Variants in ECM1 observed in about 807,000 individuals in gnomAD.
ECM1 encodes the protein secretory component p85.
A neutral mutation model predicts 57.9 loss-of-function variants in ECM1; 54 were observed. The observed-to-expected ratio is 0.93, with a 90% CI of 0.75 to 1.17. ECM1 has a LOEUF of 1.17. Among genes scored for constraint, ECM1 ranks in the 50% most tolerant of loss-of-function variants. The pLI is 0.00. For missense variants in ECM1, 649 were observed against 688.1 expected, an observed-to-expected ratio of 0.94 and a Z score of 0.64; for synonymous variants, 237 against 259.1, an observed-to-expected ratio of 0.91 and a Z score of 0.82.
rs1253130585 is a variant in ECM1, at chr1:150,511,536, G to C, written c.788G>C (p.Gly263Ala). The C allele has an allele frequency of 6.2e-7, 1 of 1,614,088 alleles. No homozygotes were observed. The highest frequency in any genetic ancestry group is 1.3e-5 in the African/African-American group (1 of 74,924). Residue 263 changes from glycine to alanine, a missense_variant, in exon 7 of 10, where the codon GGG becomes GCG. Transcript: ENST00000369047. ...CCCCACTGGTGCTGCACGCGGCAGG[G>C]GGAGGCTCGGTTCTCCTGCTTCCAG... ...TRPHWCCTRQ[G>A]EARFSCFQEE...
In ECM1 at chr1:150,512,476, C is replaced by T. The variant is rs748210541; in HGVS notation, c.1208C>T (p.Pro403Leu). The T allele has an allele frequency of 4.3e-6, 7 of 1,613,754 alleles. No homozygotes were observed. Among genetic ancestry groups the T allele is most frequent in the Non-Finnish European group, 5.1e-6 (6 of 1,180,020 alleles). Residue 403 changes from proline to leucine, a missense_variant, in exon 8 of 10, where the codon CCC becomes CTC. Physicochemically the swap from Pro to Leu is moderately conservative, Grantham distance 98. Transcript: ENST00000369047. ...DECFARRAPY[P>L]NYDRDILTID... is the part of the protein sequence containing the mutation. ...TGCTTTGCCCGTCGGGCTCCTTACC[C>T]CAACTATGACCGGGACATCTTGACC... is the stretch of plus-strand genomic sequence containing the variant.
At position 150,511,846 on chromosome 1, in the gene ECM1, C is replaced by T; in HGVS notation, c.1083+15C>T. On this transcript the variant is annotated intron_variant, in intron 7 of 9. Transcript: ENST00000369047. ...CATGGAAGGCCGTAAGTGGGCGTCC[C>T]AGCCTCCCTGAGAGCCTGTTTGCCT... 6.3e-7 allele frequency: 1 copy of T among 1,590,378 alleles called. No homozygotes were observed. Among genetic ancestry groups the T allele is most frequent in the Non-Finnish European group, 8.6e-7 (1 of 1,167,108 alleles).
rs746971908 is a variant in ECM1 at position 150,511,691 on chromosome 1, C to G, written c.943C>G (p.Leu315Val). Residue 315 changes from leucine to valine, a missense_variant, in exon 7 of 10, where the codon CTG (leucine) becomes GTG (valine). Physicochemically the swap from Leu to Val is conservative, Grantham distance 32 (BLOSUM62 1). Transcript: ENST00000369047. Reference sequence around the variant, plus strand: ...GGACAATATCAAGAACATCTGCCACCTGAGGCGCTTCCGCTCTGTGCCACG... The same window carrying G: ...GGACAATATCAAGAACATCTGCCACGTGAGGCGCTTCCGCTCTGTGCCACG... ...TLDNIKNICH[L>V]RRFRSVPRNL... 6.2e-7 allele frequency: 1 copy of G among 1,614,156 alleles called. No homozygotes were observed. The highest frequency in any genetic ancestry group is 2.2e-5 in the East Asian group (1 of 44,862).
In ECM1 at chr1:150,511,804, G is replaced by C. The variant is rs759100588; in HGVS notation, c.1056G>C (p.Gly352=). 1 of 1,612,272 alleles carries C rather than the reference G, an allele frequency of 6.2e-7. No homozygotes were observed. The highest frequency in any genetic ancestry group is 1.1e-5 in the South Asian group (1 of 90,974). ...AGTTCCAGCGCTGCTGCCGCCAGGGGAACAATCACACCTGTACATGGAAGG... is the reference window on the plus strand; with the variant it reads ...AGTTCCAGCGCTGCTGCCGCCAGGGCAACAATCACACCTGTACATGGAAGG... ...EREFQRCCRQ[G]NNHTCTWKAW... is the part of the protein sequence containing the mutation. Residue 352 remains glycine, a synonymous_variant, in exon 7 of 10, where the codon GGG becomes GGC. Coordinates refer to ENST00000369047, the MANE Select transcript of ECM1 (RefSeq NM_004425.4).
In ECM1 at chr1:150,513,355, T is replaced by G. The variant is rs1469740996; in HGVS notation, c.1511T>G (p.Leu504Arg). The stretch of plus-strand genomic sequence containing the variant: ...GTCAACTGCTTCAACATCAATTATC[T>G]GAGGAACGTGGCTCTAGTGTCTGGA... ...EQVNCFNINY[L>R]RNVALVSGDT... Residue 504 changes from leucine (L) to arginine (R), a missense_variant, in exon 10 of 10, where the codon CTG (leucine) becomes CGG (arginine). Physicochemically the swap from Leu to Arg is moderately radical, Grantham distance 102. Coordinates refer to ENST00000369047, the MANE Select transcript of ECM1 (RefSeq NM_004425.4). The G allele has an allele frequency of 2.5e-6, 4 of 1,614,094 alleles. No individual in the cohort carries two copies. The African/African-American group carries it at 4.0e-5, about 16-fold the overall frequency.
chr1:150,511,402 C>G (rs1670435812), intron 6 of ECM1, 55 bp from the exon 7 acceptor site: 4 of 1,613,184 alleles, frequency 2.5e-6, no homozygotes, highest in Admixed American at 1.7e-5. Context: ...TTTCCTGGAG[C>G]CTGGGAGGAA....
rs1292448418 is a variant in ECM1 at position 150,512,708 on chromosome 1, C to T, written c.1305-17C>T. On this transcript the variant is annotated splice_polypyrimidine_tract_variant and intron_variant, in intron 8 of 9. Coordinates refer to ENST00000369047, the MANE Select transcript of ECM1 (RefSeq NM_004425.4). ...TGCCCAAAGACCCTAACCCCTGCCC[C>T]TTTCACACCAACATAGTAAACATAT... 1 of 1,614,054 alleles carries T rather than the reference C, an allele frequency of 6.2e-7. No individual in the cohort carries two copies. The highest frequency in any genetic ancestry group is 1.1e-5 in the South Asian group (1 of 91,076).
chr1:150,510,996 C>T lies in ECM1; in HGVS notation c.506C>T (p.Pro169Leu). 6.2e-7 allele frequency: 1 copy of T among 1,614,216 alleles called. No individual in the cohort carries two copies. Among genetic ancestry groups the T allele is most frequent in the Middle Eastern group, 1.6e-4 (1 of 6,062 alleles). Residue 169 changes from proline to leucine, a missense_variant, in exon 6 of 10, where the codon CCT becomes CTT. Physicochemically the swap from Pro to Leu is moderately conservative, Grantham distance 98. Transcript: ENST00000369047. ...GWGHRLDGFPPGRPSPDNLNQ... is the reference protein window; with the variant it reads ...GWGHRLDGFPLGRPSPDNLNQ... Reference sequence around the variant, plus strand: ...GGCCACCGGCTGGATGGCTTCCCCCCTGGGCGGCCTTCTCCAGACAATCTG... The same window carrying T: ...GGCCACCGGCTGGATGGCTTCCCCCTTGGGCGGCCTTCTCCAGACAATCTG...
At position 150,510,681 on chromosome 1, in the gene ECM1, G is replaced by T. The variant is rs1670412247; in HGVS notation, c.386-195G>T. On this transcript the variant is annotated intron_variant, in intron 5 of 9. Coordinates refer to ENST00000369047, the MANE Select transcript of ECM1 (RefSeq NM_004425.4). ...AGGAGGTGGGGGCAGGCTGTGAGCT[G>T]ACACCTTTCACACCTCGCTTCTCTT... 11 of 673,806 alleles carry T rather than the reference G, an allele frequency of 1.6e-5. No individual in the cohort carries two copies. The South Asian group carries it at 1.9e-4, about 12-fold the overall frequency. The allele number at this position is 673,806 out of a possible 1,614,324, so 41.7% of individuals were successfully genotyped here. A position where few individuals can be genotyped will look rare whatever the true frequency, so the allele number is the denominator to read the frequency against.
chr1:150,510,152 T>C lies in ECM1; in HGVS notation c.355T>C (p.Ser119Pro). The C allele has an allele frequency of 1.2e-6, 2 of 1,613,946 alleles. No homozygotes were observed. Among genetic ancestry groups the C allele is most frequent in the South Asian group, 2.2e-5 (2 of 91,064 alleles). Residue 119 changes from serine (S) to proline (P), a missense_variant, in exon 5 of 10, where the codon TCT (serine) becomes CCT (proline). Physicochemically the swap from Ser to Pro is moderately conservative, Grantham distance 74. Coordinates refer to ENST00000369047, the MANE Select transcript of ECM1 (RefSeq NM_004425.4). Reference protein sequence around the residue: ...EAVPLQKELPSLQHPNEQKEG... With the variant: ...EAVPLQKELPPLQHPNEQKEG... ...TGTCCCCCTCCAAAAAGAGCTGCCC[T>C]CTCTCCAGCACCCCAATGAACAGAA...
At chr1:150,511,312 G>C in intron 6 of ECM1, 114 bp downstream of exon 6, 1 of 1,588,160 alleles carries the variant, frequency 6.3e-7, no homozygotes, top group Non-Finnish European at 8.6e-7. Context: ...CCGTTCACTG[G>C]CCCTACCCTG....
intron 6 of ECM1, 100 bp from the exon 7 acceptor site, chr1:150,511,357 C>T (rs1330320505): frequency 3.7e-6 from 6 of 1,605,808 alleles, no homozygotes; most frequent in South Asian, 2.2e-5. Flanking sequence ...CAGAGGACAA[C>T]CACTGTCTCT....
At chr1:150,512,877 A>C in intron 9 of ECM1, 65 bp downstream of exon 9, 1 of 1,529,560 alleles carries the variant, frequency 6.5e-7, no homozygotes, top group South Asian at 1.1e-5. Flanking sequence ...CTAGAACTGC[A>C]GGCCACCCCT....
intron 1 of ECM1, 132 bp downstream of exon 1, chr1:150,508,411 A>T (rs1670334446): frequency 5.5e-6 from 5 of 909,550 alleles, no homozygotes; most frequent in East Asian, 2.4e-5. Context: ...GCAGGCCCAA[A>T]GTGGGCCTAG....
At chr1:150,509,787 C>T in intron 3 of ECM1, 25 bp downstream of exon 3, 1 of 1,613,642 alleles carries the variant, frequency 6.2e-7, no homozygotes, top group Non-Finnish European at 8.5e-7. Flanking sequence ...CCATGCCCTC[C>T]TCAGTGACCC....
chr1:150,509,491 G>C, intron 1 of ECM1, 40 bp from the exon 2 acceptor site: 1 of 1,613,168 alleles, frequency 6.2e-7, no homozygotes, highest in Non-Finnish European at 8.5e-7. Context: ...TCCAGGGAAG[G>C]CCCTCCCAGT....
rs1271967085 is a variant in ECM1 at position 150,510,496 on chromosome 1, T to C, written c.385+314T>C. 5.4e-6 allele frequency: 3 copies of C among 559,824 alleles called. No homozygotes were observed. In the African/African-American group the frequency reaches 5.7e-5, roughly 11 times the overall value. The allele number at this position is 559,824 out of a possible 1,614,324, so 34.7% of individuals were successfully genotyped here. On this transcript the variant is annotated intron_variant, in intron 5 of 9. Transcript: ENST00000369047. ...CCATCCCAACATGGCTTTTGCTTAC[T>C]CCTTCTACCCAGTAGACCCACCTCT...
At chr1:150,511,315 C>T (rs918734446) in intron 6 of ECM1, 117 bp downstream of exon 6, 2 of 1,588,472 alleles carry the variant, frequency 1.3e-6, no homozygotes, top group Non-Finnish European at 1.7e-6. Flanking sequence ...TTCACTGGCC[C>T]TACCCTGGGC....
chr1:150,509,895 G>A (rs1670390669), intron 3 of ECM1, 27 bp from the exon 4 acceptor site: 6 of 1,614,076 alleles, frequency 3.7e-6, no homozygotes, highest in African/African-American at 1.3e-5. Context: ...GAAAGGGTGG[G>A]CTGCTCACAC....
Sources: gnomAD v4.1 joint callset for allele counts on GRCh38, gnomAD v4.1.1 for gene constraint, MANE v1.5 for transcripts, NCBI Gene and HGNC (gene_info 2026-07-23, HGNC 2026-07-21) for gene names.